POC1A: variants seen among roughly 807,000 people sequenced by gnomAD.
The protein encoded by POC1A is POC1 centriolar protein homolog A.
A neutral mutation model predicts 47.8 loss-of-function variants in POC1A; 34 were observed. That is an observed-to-expected ratio of 0.71 (90% CI 0.54 to 0.95). The LOEUF is 0.95. Ranked by LOEUF, POC1A falls within the 40% of genes least tolerant of loss-of-function variation. POC1A has a pLI of 0.00. For missense variants in POC1A, 466 were observed against 528.3 expected, an observed-to-expected ratio of 0.88 and a Z score of 1.16; for synonymous variants, 177 against 207.6, an observed-to-expected ratio of 0.85 and a Z score of 1.27.
chr3:52,078,303 G>A (rs1702179100), intron 10 of POC1A, among the ~76,000 whole-genome samples: 1 of 151,948 alleles, frequency 6.6e-6, no homozygotes, highest in African/African-American at 2.4e-5. Context: ...GAGAAGGCCT[G>A]GGAGAGCAGG....
At chr3:52,086,418 G>C (rs1702457751) in intron 10 of POC1A, among the ~76,000 whole-genome samples, 1 of 152,224 alleles carries the variant, frequency 6.6e-6, no homozygotes, top group Admixed American at 6.5e-5. Flanking sequence ...AGATTCTCAA[G>C]ATCTAAAACA....
chr3:52,115,539 G>A (rs563019660), intron 9 of POC1A, among the ~76,000 whole-genome samples: 2 of 152,280 alleles, frequency 1.3e-5, no homozygotes, highest in African/African-American at 2.4e-5. Flanking sequence ...GAGGGCTAGT[G>A]TCCCCCAAAA....
intron 10 of POC1A, among the ~76,000 whole-genome samples, chr3:52,081,743 T>C (rs1702302440): frequency 6.6e-6 from 1 of 151,990 alleles, no homozygotes; most frequent in Non-Finnish European, 1.5e-5. Context: ...TGAGGGGATT[T>C]GAGACTCCTC....
intron 9 of POC1A, among the ~76,000 whole-genome samples, chr3:52,107,170 G>C (rs1045460480): frequency 6.6e-6 from 1 of 152,268 alleles, no homozygotes; most frequent in Non-Finnish European, 1.5e-5. Context: ...TTCCCTGGAA[G>C]GGTTCAGAGC....
At chr3:52,094,850 T>C (rs1702760120) in intron 10 of POC1A, among the ~76,000 whole-genome samples, 1 of 152,188 alleles carries the variant, frequency 6.6e-6, no homozygotes, top group Non-Finnish European at 1.5e-5. Context: ...CATTGAGACA[T>C]CTAGACACCC....
intron 10 of POC1A, among the ~76,000 whole-genome samples, chr3:52,077,220 G>A (rs1702143858): frequency 6.6e-6 from 1 of 152,250 alleles, no homozygotes; most frequent in Non-Finnish European, 1.5e-5. Flanking sequence ...CATCAGGAGG[G>A]TCAGATTAAC....
chr3:52,142,087 C>T (rs1181400954), intron 6 of POC1A, among the ~76,000 whole-genome samples: 1 of 152,208 alleles, frequency 6.6e-6, no homozygotes, highest in East Asian at 1.9e-4. Context: ...AGACTCAGAC[C>T]CATAGCTTTC....
intron 7 of POC1A, 27 bp from the exon 8 acceptor site, chr3:52,125,208 A>T: frequency 6.4e-7 from 1 of 1,561,222 alleles, no homozygotes; most frequent in Non-Finnish European, 8.8e-7. Flanking sequence ...AAAATAACAC[A>T]CATCAAAGGT....
intron 3 of POC1A, 86 bp downstream of exon 3, chr3:52,149,730 A>G: frequency 7.4e-7 from 1 of 1,355,832 alleles, no homozygotes; most frequent in Non-Finnish European, 1.0e-6. Context: ...TGACCAGTCC[A>G]GAGCCAAGCT....
chr3:52,135,511 G>T (rs183844247), intron 7 of POC1A, among the ~76,000 whole-genome samples: 99 of 152,214 alleles, frequency 6.5e-4, no homozygotes, highest in African/African-American at 2.3e-3. Flanking sequence ...AGCCTCCCCC[G>T]AAAGTGCTGG....
In POC1A at chr3:52,084,754, C is replaced by G. The variant is rs1488603010; in HGVS notation, c.1126-8769G>C. On this transcript the variant is annotated intron_variant, in intron 10 of 10. Coordinates refer to ENST00000296484, the MANE Select transcript of POC1A (RefSeq NM_015426.5). This position sits in a 1 kb window ranked among gnomAD's most constrained non-coding sequence, Gnocchi z 4.3. ...CCCCATATCCACATCCTGCTCTTAGCAGAGCCCTGGGTGGTGGTACCTGGG... is the reference window on the plus strand; with the variant it reads ...CCCCATATCCACATCCTGCTCTTAGGAGAGCCCTGGGTGGTGGTACCTGGG... Among the ~76,000 whole-genome samples, 1 of 152,258 alleles carries G rather than the reference C, an allele frequency of 6.6e-6. No individual in the cohort carries two copies. Among genetic ancestry groups the G allele is most frequent in the Non-Finnish European group, 1.5e-5 (1 of 68,046 alleles).
intron 7 of POC1A, among the ~76,000 whole-genome samples, chr3:52,133,045 CAA>C (rs879445969): frequency 2.2e-5 from 3 of 136,030 alleles, no homozygotes; most frequent in African/African-American, 2.7e-5. Flanking sequence ...GACTCCATCT[CAA>C]AAAAAAAAAA....
In POC1A at chr3:52,149,192, A is replaced by G. The variant is rs1691573294; in HGVS notation, c.455+18T>C. The G allele has an allele frequency of 6.2e-7, 1 of 1,613,132 alleles. No homozygotes were observed. The highest frequency in any genetic ancestry group is 1.3e-5 in the African/African-American group (1 of 74,900). On this transcript the variant is annotated intron_variant, in intron 4 of 10. Transcript: ENST00000296484. ...CCCCAGGGTTCCTCCAAGGGTCTCC[A>G]GACAGAACAATGCTCACTTGGCACA...
At position 52,141,256 on chromosome 3, in the gene POC1A, G is replaced by A. The variant is rs565974487; in HGVS notation, c.680-2954C>T. Among the ~76,000 whole-genome samples, 8 of 152,356 alleles carry A rather than the reference G, an allele frequency of 5.3e-5. No homozygotes were observed. In the South Asian group the frequency reaches 1.4e-3, roughly 28 times the overall value. ...ACTCCATGCTGCTCTGCCTGTAGAG[G>A]CTTGGGCAAACCTAGGCCCACTACC... On this transcript the variant is annotated intron_variant, in intron 6 of 10. Transcript: ENST00000296484.
chr3:52,103,351 A>AC (rs1055983129), intron 9 of POC1A, among the ~76,000 whole-genome samples: 15 of 152,166 alleles, frequency 9.9e-5, no homozygotes, highest in Admixed American at 9.8e-4. Context: ...AAATGGCAAC[A>AC]CCACGTCTCT....
intron 9 of POC1A, among the ~76,000 whole-genome samples, chr3:52,117,305 A>G (rs1164000537): frequency 2.6e-5 from 4 of 152,180 alleles, no homozygotes; most frequent in South Asian, 2.1e-4. Flanking sequence ...GTGAGCCACA[A>G]TTGCGCCACT....
intron 7 of POC1A, among the ~76,000 whole-genome samples, chr3:52,132,053 T>C (rs1222931016): frequency 2.0e-5 from 3 of 152,188 alleles, no homozygotes; most frequent in African/African-American, 7.2e-5. Flanking sequence ...TCATTTTCCA[T>C]GAGCTCAAGT....
chr3:52,089,715 A>G (rs534937241), intron 10 of POC1A, among the ~76,000 whole-genome samples: 1 of 152,270 alleles, frequency 6.6e-6, no homozygotes, highest in South Asian at 2.1e-4. Context: ...ATACCCTCCC[A>G]ACAAATTCTG....
rs866804023 is a variant in POC1A at position 52,154,359 on chromosome 3, C to T, written c.14G>A (p.Cys5Tyr). The change falls in exon 1 of 11, where the codon TGC becomes TAC. Residue 5 changes from cysteine to tyrosine, a missense_variant. Transcript: ENST00000296484. The stretch of plus-strand genomic sequence containing the variant: ...GTTGCTCTCGGCTGGGCTTACCGCG[C>T]AGGGCGCAGCCATGGCGGGGCTGGC... MAAP[C>Y]AEDPSLERHF... 7.8e-6 allele frequency: 12 copies of T among 1,539,148 alleles called. No homozygotes were observed. Among genetic ancestry groups the T allele is most frequent in the Admixed American group, 2.1e-5 (1 of 47,946 alleles).
Sources: gnomAD v4.1 joint callset for allele counts (sites outside exome capture counted in the v4.1 genomes callset) on GRCh38, gnomAD v4.1.1 for gene constraint, Gnocchi (gnomAD v3.1) non-coding constraint, MANE v1.5 for transcripts, NCBI Gene and HGNC (gene_info 2026-07-23, HGNC 2026-07-21) for gene names.